Variants in ANKS1B observed in about 807,000 individuals in gnomAD.
ANKS1B encodes ankyrin repeat and sterile alpha motif domain containing 1B.
In ANKS1B, 36 loss-of-function variants were observed where a neutral mutation model predicts 148.3. The observed-to-expected ratio is 0.24, with a 90% CI of 0.19 to 0.32. The LOEUF (loss-of-function observed/expected upper bound fraction) is 0.32, where lower values mean the gene tolerates loss of function less well. Ranked by LOEUF, ANKS1B falls within the 10% of genes least tolerant of loss-of-function variation. The pLI, the probability that ANKS1B is intolerant of heterozygous loss-of-function variation, is 1.00. For missense variants in ANKS1B, 1,157 were observed against 1,542.6 expected (o/e 0.75, Z 4.19); for synonymous variants, 542 against 560.8 (o/e 0.97, Z 0.47).
chr12:99,436,786 G>A (rs1293082966), intron 11 of ANKS1B, among the ~76,000 whole-genome samples: 1 of 151,976 alleles, frequency 6.6e-6, no homozygotes, highest in Admixed American at 6.6e-5. Context: ...TCTAAACATG[G>A]TCCATTATGA....
At chr12:99,135,130 G>T (rs918872722) in intron 15 of ANKS1B, among the ~76,000 whole-genome samples, 26 of 152,036 alleles carry the variant, frequency 1.7e-4, no homozygotes, top group African/African-American at 6.3e-4. Context: ...TGCCAAAAAA[G>T]GAATAGAGAA....
At chr12:99,000,965 C>T (rs1053941485) in intron 17 of ANKS1B, among the ~76,000 whole-genome samples, 14 of 151,526 alleles carry the variant, frequency 9.2e-5, no homozygotes, top group African/African-American at 2.2e-4. Flanking sequence ...AGTAATATTC[C>T]GCTGTGTGTG....
chr12:99,882,247 A>AT (rs2092555842), intron 1 of ANKS1B, among the ~76,000 whole-genome samples: 1 of 18,392 alleles, frequency 5.4e-5, no homozygotes. Context: ...ACTTTAAAAA[A>AT]TAAATAAGAG....
At chr12:99,428,668 G>A (rs749047501) in intron 11 of ANKS1B, among the ~76,000 whole-genome samples, 4 of 152,048 alleles carry the variant, frequency 2.6e-5, no homozygotes, top group East Asian at 1.9e-4. Flanking sequence ...GTATATGTAC[G>A]TACTATGCTT....
intron 9 of ANKS1B, chr12:99,648,618 T>G (rs565099046): frequency 6.2e-7 from 1 of 1,614,240 alleles, no homozygotes; most frequent in South Asian, 1.1e-5. Flanking sequence ...GCCGCTCTTT[T>G]TATCTTCAGC....
intron 1 of ANKS1B, among the ~76,000 whole-genome samples, chr12:99,871,318 T>C (rs1341184981): frequency 6.6e-6 from 1 of 152,204 alleles, no homozygotes; most frequent in Admixed American, 6.5e-5. Flanking sequence ...CGTAGACTTA[T>C]GGTATAGTGT....
intron 12 of ANKS1B, among the ~76,000 whole-genome samples, chr12:99,317,440 T>C (rs980072501): frequency 3.9e-5 from 6 of 152,116 alleles, no homozygotes; most frequent in Non-Finnish European, 7.4e-5. Flanking sequence ...TGAATGGGAG[T>C]TCACTCATGA....
chr12:99,348,252 G>C (rs969426652), intron 12 of ANKS1B, among the ~76,000 whole-genome samples: 1 of 151,814 alleles, frequency 6.6e-6, no homozygotes, highest in Non-Finnish European at 1.5e-5. Flanking sequence ...CAGAAAGAGA[G>C]GAGACAGAAT....
chr12:99,948,101 A>G (rs1027862321), intron 1 of ANKS1B, among the ~76,000 whole-genome samples: 12 of 152,196 alleles, frequency 7.9e-5, no homozygotes, highest in African/African-American at 2.9e-4. Context: ...TGTGTAACCT[A>G]ACATAATTAT....
intron 12 of ANKS1B, among the ~76,000 whole-genome samples, chr12:99,337,724 C>A (rs1275318401): frequency 6.6e-6 from 1 of 152,154 alleles, no homozygotes; most frequent in Non-Finnish European, 1.5e-5. Context: ...TAGGGGGCAC[C>A]CCAAGCCCAG....
At chr12:99,034,328 T>A (rs1055951137) in intron 17 of ANKS1B, among the ~76,000 whole-genome samples, 7 of 152,132 alleles carry the variant, frequency 4.6e-5, no homozygotes, top group African/African-American at 1.7e-4. Flanking sequence ...TATTTTATTT[T>A]TTTTTTTGAC....
intron 8 of ANKS1B, among the ~76,000 whole-genome samples, chr12:99,701,388 T>A (rs2054787920): frequency 6.6e-6 from 1 of 152,148 alleles, no homozygotes; most frequent in African/African-American, 2.4e-5. Flanking sequence ...TTAAATCTTG[T>A]ATTTTTTTAT....
chr12:99,526,229 T>G (rs1377417496), intron 9 of ANKS1B, among the ~76,000 whole-genome samples: 1 of 152,222 alleles, frequency 6.6e-6, no homozygotes, highest in Admixed American at 6.6e-5. Flanking sequence ...TGTGAATTGA[T>G]GTAAACCTCT....
chr12:99,958,458 C>A (rs1288095519), intron 1 of ANKS1B, among the ~76,000 whole-genome samples: 1 of 152,156 alleles, frequency 6.6e-6, no homozygotes. Flanking sequence ...TCTCAGCTCA[C>A]TACAGCCTCA....
intron 1 of ANKS1B, among the ~76,000 whole-genome samples, chr12:99,868,031 G>A (rs968865417): frequency 4.6e-5 from 7 of 152,032 alleles, no homozygotes; most frequent in African/African-American, 1.7e-4. Flanking sequence ...GGATGAGGGA[G>A]AAAAATCATA....
rs557205655 is a variant in ANKS1B at position 98,829,745 on chromosome 12, A to G, written c.2887-392T>C. On this transcript the variant is annotated intron_variant, in intron 18 of 26. Transcript: ENST00000683438. This position sits in a 1 kb window ranked among gnomAD's most constrained non-coding sequence, Gnocchi z 5.2. ...TGATGAGAAAGCTAAAATGAGACCC[A>G]ATGGGTCTTGATCCTTCATCAAAGA... Among the ~76,000 whole-genome samples the G allele has an allele frequency of 2.0e-5, 3 of 152,318 alleles. No homozygotes were observed. In the South Asian group the frequency reaches 6.2e-4, roughly 32 times the overall value.
intron 17 of ANKS1B, among the ~76,000 whole-genome samples, chr12:98,990,006 A>G (rs892176515): frequency 2.0e-5 from 3 of 152,012 alleles, no homozygotes; most frequent in Non-Finnish European, 4.4e-5. Context: ...CAGAGAAAGG[A>G]AGAAAGAAAG....
chr12:99,133,968 G>GT (rs1447205699), intron 15 of ANKS1B, among the ~76,000 whole-genome samples: 4 of 152,194 alleles, frequency 2.6e-5, no homozygotes, highest in Non-Finnish European at 5.9e-5. Context: ...GAGACATTAA[G>GT]TAATTTTCTT....
intron 16 of ANKS1B, among the ~76,000 whole-genome samples, chr12:99,077,100 G>C (rs2048122101): frequency 1.3e-5 from 2 of 152,158 alleles, no homozygotes; most frequent in African/African-American, 2.4e-5. Context: ...TTTCAGAACT[G>C]AGTGGAGCTT....
Sources: gnomAD v4.1 joint callset for allele counts (sites outside exome capture counted in the v4.1 genomes callset) on GRCh38, gnomAD v4.1.1 for gene constraint, Gnocchi (gnomAD v3.1) non-coding constraint, MANE v1.5 for transcripts, NCBI Gene and HGNC (gene_info 2026-07-23, HGNC 2026-07-21) for gene names.